RGS5: variants seen among roughly 807,000 people sequenced by gnomAD.
The protein encoded by RGS5 is regulator of G-protein signalling 5.
In RGS5, 20 loss-of-function variants were observed where a neutral mutation model predicts 18.9. That is an observed-to-expected ratio of 1.06 (90% CI 0.74 to 1.54). The LOEUF is 1.54. RGS5 is among the 40% of genes most tolerant of loss of function. The probability of loss-of-function intolerance (pLI) is 0.00; values close to 1 mark genes in which losing one functional copy is unlikely to be tolerated. For missense variants in RGS5, 201 were observed against 211.8 expected (o/e 0.95, Z 0.32); for synonymous variants, 57 against 76.2 (o/e 0.75, Z 1.31).
chr1:163,312,404 G>A (rs1571357778), intron 1 of RGS5, among the ~76,000 whole-genome samples: 1 of 152,156 alleles, frequency 6.6e-6, no homozygotes. Context: ...ATATGTAATG[G>A]GAGACTAAAT....
intron 2 of RGS5, among the ~76,000 whole-genome samples, chr1:163,285,879 A>T (rs1172599719): frequency 6.6e-6 from 1 of 151,906 alleles, no homozygotes; most frequent in Non-Finnish European, 1.5e-5. Flanking sequence ...CAGAAGCAGA[A>T]TCCTGTACAG....
chr1:163,255,940 A>C (rs1648260208), intron 2 of RGS5, among the ~76,000 whole-genome samples: 1 of 152,168 alleles, frequency 6.6e-6, no homozygotes, highest in African/African-American at 2.4e-5. Flanking sequence ...TCAATAAATT[A>C]GGTATTGATG....
intron 3 of RGS5, 25 bp downstream of exon 3, chr1:163,161,890 A>G: frequency 6.3e-7 from 1 of 1,597,858 alleles, no homozygotes; most frequent in Non-Finnish European, 8.6e-7. Flanking sequence ...ACCTTTATTT[A>G]AAAAAACAAA....
At chr1:163,179,044 C>A (rs530887580) in intron 1 of RGS5, among the ~76,000 whole-genome samples, 8 of 152,290 alleles carry the variant, frequency 5.3e-5, no homozygotes, top group African/African-American at 1.9e-4. Flanking sequence ...AATCCTGTCT[C>A]AGATTATGTA....
intron 2 of RGS5, among the ~76,000 whole-genome samples, chr1:163,225,875 G>A (rs1647319505): frequency 6.6e-6 from 1 of 151,858 alleles, no homozygotes; most frequent in East Asian, 1.9e-4. Flanking sequence ...AGACAATATT[G>A]ATTCCAATTT....
intron 2 of RGS5, chr1:163,304,518 T>C (rs1206760318): frequency 6.6e-6 from 1 of 152,246 alleles, no homozygotes; most frequent in Non-Finnish European, 1.5e-5. Context: ...CTGTGAAGAT[T>C]ACTCATTTCC....
At chr1:163,224,215 C>A (rs948853675) in intron 2 of RGS5, among the ~76,000 whole-genome samples, 3 of 151,902 alleles carry the variant, frequency 2.0e-5, no homozygotes, top group African/African-American at 7.2e-5. Context: ...TCCCTCCCCT[C>A]CCCTCCCCAG....
At chr1:163,255,158 A>C (rs1480861978) in intron 2 of RGS5, among the ~76,000 whole-genome samples, 1 of 152,022 alleles carries the variant, frequency 6.6e-6, no homozygotes, top group Non-Finnish European at 1.5e-5. Flanking sequence ...TATGAACTTT[A>C]AAGTAGTTTT....
At chr1:163,314,356 T>C (rs958603328) in intron 1 of RGS5, among the ~76,000 whole-genome samples, 4 of 152,124 alleles carry the variant, frequency 2.6e-5, no homozygotes, top group African/African-American at 9.7e-5. Flanking sequence ...GGTACTTATA[T>C]AGAAATGCAT....
intron 2 of RGS5, among the ~76,000 whole-genome samples, chr1:163,253,812 CACA>C (rs1215127460): frequency 6.7e-6 from 1 of 149,686 alleles, no homozygotes; most frequent in East Asian, 2.0e-4. Context: ...CCCCACACCC[CACA>C]ACTGTCCCCA....
chr1:163,256,736 T>C (rs1648281417), intron 2 of RGS5, among the ~76,000 whole-genome samples: 1 of 152,094 alleles, frequency 6.6e-6, no homozygotes, highest in African/African-American at 2.4e-5. Context: ...AATGTAGTAC[T>C]CAGCCAAAGA....
chr1:163,151,117 G>A (rs1352524360), intron 4 of RGS5, among the ~76,000 whole-genome samples: 1 of 152,068 alleles, frequency 6.6e-6, no homozygotes, highest in Non-Finnish European at 1.5e-5. Context: ...CTTTCAATGT[G>A]GTTTTATAAA....
chr1:163,149,649 C>G (rs1314760157), intron 4 of RGS5, among the ~76,000 whole-genome samples: 1 of 152,112 alleles, frequency 6.6e-6, no homozygotes, highest in African/African-American at 2.4e-5. Flanking sequence ...AAATTATCTA[C>G]TTATTGACTT....
chr1:163,210,180 G>A (rs1214394148), intron 1 of RGS5, among the ~76,000 whole-genome samples: 1 of 151,806 alleles, frequency 6.6e-6, no homozygotes, highest in Non-Finnish European at 1.5e-5. Context: ...ATTTTTTGGG[G>A]TACAGACAGG....
intron 1 of RGS5, among the ~76,000 whole-genome samples, chr1:163,174,566 T>C (rs554797092): frequency 6.6e-6 from 1 of 152,288 alleles, no homozygotes; most frequent in South Asian, 2.1e-4. Flanking sequence ...TAAATGACTA[T>C]AAGCACTATA....
At chr1:163,173,288 A>G (rs1658387724) in intron 1 of RGS5, among the ~76,000 whole-genome samples, 1 of 152,212 alleles carries the variant, frequency 6.6e-6, no homozygotes, top group Non-Finnish European at 1.5e-5. Context: ...AATAAAATCA[A>G]TTGAAAATGC....
chr1:163,253,592 G>T (rs924864313), intron 2 of RGS5, among the ~76,000 whole-genome samples: 1 of 151,230 alleles, frequency 6.6e-6, no homozygotes, highest in Non-Finnish European at 1.5e-5. Context: ...TTACAGGCGT[G>T]AGCCACCGCA....
At chr1:163,239,664 C>G (rs2101690185) in intron 2 of RGS5, among the ~76,000 whole-genome samples, 1 of 152,158 alleles carries the variant, frequency 6.6e-6, no homozygotes, top group South Asian at 2.1e-4. Context: ...CTTAAAGGAC[C>G]TCTTAAAGAT....
At chr1:163,252,764 G>C (rs1323023596) in intron 2 of RGS5, among the ~76,000 whole-genome samples, 1 of 152,090 alleles carries the variant, frequency 6.6e-6, no homozygotes, top group Non-Finnish European at 1.5e-5. Flanking sequence ...TTAAGGGTGG[G>C]AATTTTCGTC....
Sources: allele counts gnomAD v4.1 joint callset (sites outside exome capture counted in the v4.1 genomes callset), GRCh38; gene constraint gnomAD v4.1.1; transcripts MANE v1.5; gene names NCBI Gene and HGNC (gene_info 2026-07-23, HGNC 2026-07-21).